Variants in LHFPL6 observed in about 807,000 individuals in gnomAD.
LHFPL6 encodes LHFPL tetraspan subfamily member 6 protein.
In LHFPL6, 9 loss-of-function variants were observed where a neutral mutation model predicts 20.6. That is an observed-to-expected ratio of 0.44 (90% CI 0.26 to 0.76). LHFPL6 has a LOEUF of 0.76. Among genes scored for constraint, LHFPL6 ranks in the 30% least tolerant of loss-of-function variants. The pLI is 0.20. For missense variants in LHFPL6, 218 were observed against 253.5 expected, an observed-to-expected ratio of 0.86 and a Z score of 0.95; for synonymous variants, 105 against 98.7, an observed-to-expected ratio of 1.06 and a Z score of -0.38.
intron 2 of LHFPL6, among the ~76,000 whole-genome samples, chr13:39,385,206 T>A (rs1870534931): frequency 6.6e-6 from 1 of 152,184 alleles, no homozygotes; most frequent in African/African-American, 2.4e-5. Flanking sequence ...AGATGCTGCC[T>A]CCTAAAAAAG....
intron 2 of LHFPL6, among the ~76,000 whole-genome samples, chr13:39,386,775 G>A (rs1870575167): frequency 1.3e-5 from 2 of 152,214 alleles, no homozygotes; most frequent in African/African-American, 4.8e-5. Flanking sequence ...CTGCCTGGGT[G>A]CCCTGGCCAG....
chr13:39,463,386 T>C (rs1275374856), intron 2 of LHFPL6, among the ~76,000 whole-genome samples: 5 of 150,950 alleles, frequency 3.3e-5, no homozygotes, highest in African/African-American at 1.2e-4. Flanking sequence ...TTGTGTTTAT[T>C]CTACTAGTTT....
rs191480247 is a variant in LHFPL6, at chr13:39,478,267, C to T, written c.386-99741G>A. 1.4e-4 allele frequency among the ~76,000 whole-genome samples: 21 copies of T among 151,874 alleles called. No homozygotes were observed. In the East Asian group the frequency reaches 3.9e-3, roughly 28 times the overall value. On this transcript the variant is annotated intron_variant, in intron 2 of 3. Coordinates refer to ENST00000379589, the MANE Select transcript of LHFPL6 (RefSeq NM_005780.3). ...ATCTAAATAGATATTTTCAGATTTT[C>T]CTTTTGGAAACCAGCACTATAAACA...
At chr13:39,512,693 T>C (rs1046776432) in intron 2 of LHFPL6, among the ~76,000 whole-genome samples, 2 of 152,194 alleles carry the variant, frequency 1.3e-5, no homozygotes, top group Non-Finnish European at 2.9e-5. Flanking sequence ...CCTTCTTAAA[T>C]TGTTCTGCTG....
chr13:39,396,344 G>A (rs184897051), intron 2 of LHFPL6, among the ~76,000 whole-genome samples: 180 of 152,172 alleles, frequency 1.2e-3, no homozygotes, highest in Middle Eastern at 6.8e-3. Context: ...AAACTGCATC[G>A]CCCTATCTCC....
At chr13:39,515,640 C>T (rs1239040278) in intron 2 of LHFPL6, among the ~76,000 whole-genome samples, 1 of 152,150 alleles carries the variant, frequency 6.6e-6, no homozygotes, top group Non-Finnish European at 1.5e-5. Context: ...CTCTGCCCGA[C>T]AGCAAAGCAG....
intron 2 of LHFPL6, among the ~76,000 whole-genome samples, chr13:39,467,467 GCTGA>G (rs1257481548): frequency 6.6e-6 from 1 of 152,098 alleles, no homozygotes; most frequent in Non-Finnish European, 1.5e-5. Context: ...CCTCTGACAT[GCTGA>G]ATTAAAGAAG....
chr13:39,396,369 T>C (rs774484170), intron 2 of LHFPL6, among the ~76,000 whole-genome samples: 5 of 152,170 alleles, frequency 3.3e-5, no homozygotes, highest in Admixed American at 6.5e-5. Flanking sequence ...CAGAGGTATA[T>C]TGAGGTCCTA....
chr13:39,577,931 A>G lies in LHFPL6; in HGVS notation c.385+22901T>C, dbSNP rs563368656. Among the ~76,000 whole-genome samples, 140 of 152,204 alleles carry G rather than the reference A, an allele frequency of 9.2e-4. 1 individual carries two copies. Among genetic ancestry groups the G allele is most frequent in the African/African-American group, 3.3e-3 (139 of 41,530 alleles). ...GCTGGGATTACAAGCATAAGCCTGT[A>G]ATCCCATGAGCCCAGCCCCAACAAC... On this transcript the variant is annotated intron_variant, in intron 2 of 3. Coordinates refer to ENST00000379589, the MANE Select transcript of LHFPL6 (RefSeq NM_005780.3).
chr13:39,374,489 A>T (rs1250961993), intron 3 of LHFPL6, among the ~76,000 whole-genome samples: 2 of 151,970 alleles, frequency 1.3e-5, no homozygotes, highest in African/African-American at 4.8e-5. Context: ...CAAGCAATAC[A>T]CTCATGTAAT....
At chr13:39,384,768 G>A (rs937625825) in intron 2 of LHFPL6, among the ~76,000 whole-genome samples, 9 of 152,196 alleles carry the variant, frequency 5.9e-5, no homozygotes, top group Admixed American at 1.3e-4. Context: ...TTATTTACAT[G>A]GGTTTTATTA....
chr13:39,511,929 CCTT>C (rs1869720179), intron 2 of LHFPL6, among the ~76,000 whole-genome samples: 1 of 152,172 alleles, frequency 6.6e-6, no homozygotes, highest in Admixed American at 6.5e-5. Flanking sequence ...TTTTCCAACA[CCTT>C]CTGAAAGTTA....
At chr13:39,407,804 T>C (rs1446017778) in intron 2 of LHFPL6, among the ~76,000 whole-genome samples, 1 of 152,246 alleles carries the variant, frequency 6.6e-6, no homozygotes, top group African/African-American at 2.4e-5. Flanking sequence ...ACTTTTTTCT[T>C]CAAGAACCAC....
chr13:39,576,138 A>T lies in LHFPL6; in HGVS notation c.385+24694T>A, dbSNP rs560126331. On this transcript the variant is annotated intron_variant, in intron 2 of 3. Transcript: ENST00000379589. ...GCAATTCCATTTGGGACTTGTTCCTATGTCTCCAAAAGTAGAGGAAATAAG... is the reference window on the plus strand; with the variant it reads ...GCAATTCCATTTGGGACTTGTTCCTTTGTCTCCAAAAGTAGAGGAAATAAG... Among the ~76,000 whole-genome samples, 94 of 152,258 alleles carry T rather than the reference A, an allele frequency of 6.2e-4. 2 individuals are homozygous for T. Among genetic ancestry groups the T allele is most frequent in the Admixed American group, 6.1e-3 (94 of 15,298 alleles).
chr13:39,530,618 A>G (rs9576836), intron 2 of LHFPL6, among the ~76,000 whole-genome samples: 2,000 of 152,280 alleles, frequency 0.013, 47 homozygotes, highest in East Asian at 0.094. Flanking sequence ...ATTGGATAAA[A>G]TAACCATTGG....
Position 39,453,897 on chromosome 13 carries a change from G to A in LHFPL6, c.386-75371C>T, listed in dbSNP as rs541647505. Among the ~76,000 whole-genome samples, 10 of 152,304 alleles carry A rather than the reference G, an allele frequency of 6.6e-5. No individual in the cohort carries two copies. In the East Asian group the frequency reaches 1.2e-3, roughly 18 times the overall value. On this transcript the variant is annotated intron_variant, in intron 2 of 3. Coordinates refer to ENST00000379589, the MANE Select transcript of LHFPL6 (RefSeq NM_005780.3). Reference sequence around the variant, plus strand: ...CTCTTCAATGCAGTTCTAGCCCATCGGCCACCTGAGAGCAATGGGATAAGG... The same window carrying A: ...CTCTTCAATGCAGTTCTAGCCCATCAGCCACCTGAGAGCAATGGGATAAGG...
At chr13:39,565,212 CAGTTGAATT>C (rs60647022) in intron 2 of LHFPL6, among the ~76,000 whole-genome samples, 130,849 of 151,552 alleles carry the variant, frequency 0.86, 56,614 homozygotes, top group South Asian at 0.93. Flanking sequence ...AGAGAAAAAG[CAGTTGAATT>C]AGTTGAATTA....
intron 2 of LHFPL6, among the ~76,000 whole-genome samples, chr13:39,583,767 A>G (rs1306430666): frequency 2.6e-5 from 4 of 152,158 alleles, no homozygotes; most frequent in South Asian, 2.1e-4. Flanking sequence ...TCACCTCTTC[A>G]TTGGCTTTTA....
chr13:39,559,808 TTA>T (rs1871415267), intron 2 of LHFPL6, among the ~76,000 whole-genome samples: 1 of 152,228 alleles, frequency 6.6e-6, no homozygotes, highest in Non-Finnish European at 1.5e-5. Flanking sequence ...CTCAACTATA[TTA>T]TTAATAATGT....
Sources: allele counts gnomAD v4.1 joint callset (sites outside exome capture counted in the v4.1 genomes callset), GRCh38; gene constraint gnomAD v4.1.1; transcripts MANE v1.5; gene names NCBI Gene and HGNC (gene_info 2026-07-23, HGNC 2026-07-21).